Variants in CNGB1 observed in about 807,000 individuals in gnomAD.
CNGB1 encodes the protein cyclic nucleotide-gated channel beta-1.
CNGB1 carries 126 observed loss-of-function variants against 151.7 expected under a neutral mutation model. The ratio of observed to expected loss-of-function variants is 0.83; its 90% CI spans 0.72 to 0.96. The LOEUF (loss-of-function observed/expected upper bound fraction) is 0.96, where lower values mean the gene tolerates loss of function less well. Among genes scored for constraint, CNGB1 ranks in the 40% least tolerant of loss-of-function variants. CNGB1 has a pLI of 0.00. For missense variants in CNGB1, 1,698 were observed against 1,627.0 expected, an observed-to-expected ratio of 1.04 and a Z score of -0.75; for synonymous variants, 623 against 635.1, an observed-to-expected ratio of 0.98 and a Z score of 0.29.
intron 12 of CNGB1, among the ~76,000 whole-genome samples, chr16:57,953,090 G>A (rs1194786606): frequency 1.3e-5 from 2 of 152,136 alleles, no homozygotes; most frequent in African/African-American, 4.8e-5. Context: ...CAGGAGCTAT[G>A]AGTGCCCTAG....
chr16:57,888,120 G>A lies in CNGB1; in HGVS notation c.3243-46C>T, dbSNP rs1365538707. 13 of 1,580,828 alleles carry A rather than the reference G, an allele frequency of 8.2e-6. No homozygotes were observed. In the Admixed American group the frequency reaches 2.2e-4, roughly 27 times the overall value. ...TTGACATCACAGACGCACTCTGGGGGAAAAGAAAGACTCGCTTCTGCAGCC... is the reference window on the plus strand; with the variant it reads ...TTGACATCACAGACGCACTCTGGGGAAAAAGAAAGACTCGCTTCTGCAGCC... On this transcript the variant is annotated intron_variant, in intron 31 of 32. Coordinates refer to ENST00000251102, the MANE Select transcript of CNGB1 (RefSeq NM_001297.5).
In CNGB1 at chr16:57,962,980, C is replaced by T. The variant is rs1406243873; in HGVS notation, c.375G>A (p.Pro125=). 8.7e-6 allele frequency: 14 copies of T among 1,613,356 alleles called. No individual in the cohort carries two copies. Among genetic ancestry groups the T allele is most frequent in the East Asian group, 4.5e-5 (2 of 44,878 alleles). The change falls in exon 5 of 33, where the codon CCG becomes CCA. Residue 125 remains proline (P), a synonymous_variant. Coordinates refer to ENST00000251102, the MANE Select transcript of CNGB1 (RefSeq NM_001297.5). ...PQPVHSITED[P]AQILGHGSTG... The stretch of plus-strand genomic sequence containing the variant: ...CCTCCAGCCCCAGCAGTACCTGAGC[C>T]GGGTCCTCCGTGATGCTGTGAACAG...
At chr16:57,891,878 A>T (rs917557217) in intron 31 of CNGB1, among the ~76,000 whole-genome samples, 5 of 152,102 alleles carry the variant, frequency 3.3e-5, no homozygotes, top group African/African-American at 1.2e-4. Context: ...TTAAATATAG[A>T]TTATTGTTTT....
chr16:57,940,253 G>T lies in CNGB1; in HGVS notation c.1190C>A (p.Pro397His), dbSNP rs751358284. The change falls in exon 15 of 33, where the codon CCC becomes CAC. Residue 397 changes from proline (P) to histidine (H), a missense_variant. By Grantham distance (77) the Pro-to-His change is moderately conservative. Coordinates refer to ENST00000251102, the MANE Select transcript of CNGB1 (RefSeq NM_001297.5). ...VGQSEEDGTR[P>H]QSTSDQKLWE... is the part of the protein sequence containing the mutation. Reference sequence around the variant, plus strand: ...TCATACCTGATCTGAAGTGCTCTGGGGCCGGGTCCCGTCTTCTTCACTCTG... The same window carrying T: ...TCATACCTGATCTGAAGTGCTCTGGTGCCGGGTCCCGTCTTCTTCACTCTG... 3 of 1,572,492 alleles carry T rather than the reference G, an allele frequency of 1.9e-6. No homozygotes were observed. The highest frequency in any genetic ancestry group is 2.6e-6 in the Non-Finnish European group (3 of 1,158,892).
Position 57,897,501 on chromosome 16 carries a change from C to G in CNGB1, c.3138G>C (p.Val1046=). 3 of 1,614,144 alleles carry G rather than the reference C, an allele frequency of 1.9e-6. No individual in the cohort carries two copies. Among genetic ancestry groups the G allele is most frequent in the Non-Finnish European group, 2.5e-6 (3 of 1,179,984 alleles). ...AGAGGTTGGTAAACCCGTGCGCCACCACGTTGGCCGTGCGCCGGTTCCCGC... is the reference window on the plus strand; with the variant it reads ...AGAGGTTGGTAAACCCGTGCGCCACGACGTTGGCCGTGCGCCGGTTCCCGC... The part of the protein sequence containing the change: ...VGGGNRRTAN[V]VAHGFTNLFI... The change falls in exon 31 of 33, where the codon GTG becomes GTC. Residue 1046 remains valine, a synonymous_variant. Coordinates refer to ENST00000251102, the MANE Select transcript of CNGB1 (RefSeq NM_001297.5).
At chr16:57,891,951 CAT>C (rs1325245679) in intron 31 of CNGB1, among the ~76,000 whole-genome samples, 5 of 151,870 alleles carry the variant, frequency 3.3e-5, no homozygotes, top group Admixed American at 2.0e-4. Context: ...TTATCTAACA[CAT>C]ATTTTCTGTG....
At chr16:57,889,656 T>A (rs1314270670) in intron 31 of CNGB1, among the ~76,000 whole-genome samples, 1 of 152,194 alleles carries the variant, frequency 6.6e-6, no homozygotes, top group Non-Finnish European at 1.5e-5. Context: ...CTCATTTAAG[T>A]CTCACAACAA....
Position 57,931,800 on chromosome 16 carries a change from T to C in CNGB1, c.1451A>G (p.Asn484Ser). The C allele has an allele frequency of 6.2e-7, 1 of 1,614,122 alleles. No individual in the cohort carries two copies. Among genetic ancestry groups the C allele is most frequent in the Non-Finnish European group, 8.5e-7 (1 of 1,180,024 alleles). ...TGGCGGCAACACGGTTGAGGGTGGA[T>C]TCTCTTCTGCCATGAGGGGGCAGCT... ...ADSCPLMAEE[N>S]PPSTVLPPPS... Residue 484 changes from asparagine (N) to serine (S), a missense_variant, in exon 17 of 33, where the codon AAT becomes AGT. Coordinates refer to ENST00000251102, the MANE Select transcript of CNGB1 (RefSeq NM_001297.5).
intron 14 of CNGB1, among the ~76,000 whole-genome samples, chr16:57,948,738 G>T (rs1961869758): frequency 6.6e-6 from 1 of 152,086 alleles, no homozygotes; most frequent in Non-Finnish European, 1.5e-5. Context: ...TCTTCCCCAT[G>T]CATATCCCCC....
At chr16:57,951,954 C>T (rs1175659690) in intron 12 of CNGB1, among the ~76,000 whole-genome samples, 1 of 152,222 alleles carries the variant, frequency 6.6e-6, no homozygotes, top group African/African-American at 2.4e-5. Flanking sequence ...GCTCCCGGCT[C>T]CTCTGGCCCT....
intron 1 of CNGB1, 57 bp from the exon 2 acceptor site, chr16:57,967,351 T>C (rs1329541767): frequency 6.5e-7 from 1 of 1,531,800 alleles, no homozygotes; most frequent in Non-Finnish European, 9.0e-7. Context: ...CTCCCGCCAC[T>C]TATGGGCCAC....
Position 57,950,944 on chromosome 16 carries a change from TTGTCCTGGGG to T in CNGB1, c.875-414_875-405del, listed in dbSNP as rs142053935. Among the ~76,000 whole-genome samples the T allele has an allele frequency of 9.7e-3, 1,471 of 152,260 alleles. 21 individuals are homozygous for T. Among genetic ancestry groups the T allele is most frequent in the African/African-American group, 0.034 (1,401 of 41,540 alleles). ...CACATCCAGGTGCAGGTGGACTGGA[TTGTCCTGGGG>T]GATGCAGAGAGAGCTTGCCCGCTTC... On this transcript the variant is annotated intron_variant, in intron 12 of 32. Coordinates refer to ENST00000251102, the MANE Select transcript of CNGB1 (RefSeq NM_001297.5).
intron 17 of CNGB1, among the ~76,000 whole-genome samples, chr16:57,923,829 C>T (rs1171729832): frequency 6.6e-6 from 1 of 152,198 alleles, no homozygotes; most frequent in African/African-American, 2.4e-5. Flanking sequence ...TTCCCCTCTA[C>T]TCTCTATCAC....
In CNGB1 at chr16:57,968,461, C is replaced by T. The variant is rs1962453195; in HGVS notation, c.-8-1167G>A. 2.6e-5 allele frequency among the ~76,000 whole-genome samples: 4 copies of T among 152,212 alleles called. No homozygotes were observed. The South Asian group carries it at 8.3e-4, about 32-fold the overall frequency. On this transcript the variant is annotated intron_variant, in intron 1 of 32. Coordinates refer to ENST00000251102, the MANE Select transcript of CNGB1 (RefSeq NM_001297.5). The stretch of plus-strand genomic sequence containing the variant: ...GCAGTGAACCAAGATCGTGCCACTG[C>T]ACTCCAGCCTGGGTGACAGAGTGAG...
rs781486936 is a variant in CNGB1 at position 57,959,893 on chromosome 16, A to G, written c.756T>C (p.Pro252=). The change falls in exon 10 of 33, where the codon CCT becomes CCC. Residue 252 remains proline, a synonymous_variant. Transcript: ENST00000251102. The stretch of plus-strand genomic sequence containing the variant: ...CTGCATTGAGGGTGGCTCACCTGGC[A>G]GGGTCCCTGGTTGGTGGCAGGGAGG... ...QTSSLPPTRD[P]ARLVAWVLHR... The G allele has an allele frequency of 6.5e-7, 1 of 1,532,812 alleles. No individual in the cohort carries two copies. Among genetic ancestry groups the G allele is most frequent in the Non-Finnish European group, 8.8e-7 (1 of 1,139,130 alleles). 95.0% of individuals were successfully genotyped at this position (1,532,812 alleles called of 1,614,324 possible). A position where few individuals can be genotyped will look rare whatever the true frequency, so the allele number is the denominator to read the frequency against.
chr16:57,894,238 A>G (rs1206982743), intron 31 of CNGB1, among the ~76,000 whole-genome samples: 1 of 152,222 alleles, frequency 6.6e-6, no homozygotes, highest in African/African-American at 2.4e-5. Flanking sequence ...TTTTGTCGTC[A>G]TGTGGAAACA....
intron 21 of CNGB1, among the ~76,000 whole-genome samples, 161 bp from the exon 22 acceptor site, chr16:57,916,340 A>C (rs2149364257): frequency 6.6e-6 from 1 of 152,184 alleles, no homozygotes; most frequent in Non-Finnish European, 1.5e-5. Context: ...ATGGGTGGAG[A>C]GGCCCAGCCC....
chr16:57,969,044 G>A (rs1054496940), intron 1 of CNGB1, among the ~76,000 whole-genome samples: 1 of 152,024 alleles, frequency 6.6e-6, no homozygotes, highest in African/African-American at 2.4e-5. Flanking sequence ...GGTAGCTCAC[G>A]CCTGTAATCC....
rs577954371 is a variant in CNGB1, at chr16:57,916,003, A to G, written c.2217+126T>C. 1.2e-5 allele frequency: 11 copies of G among 920,036 alleles called. No homozygotes were observed. In the African/African-American group the frequency reaches 1.6e-4, roughly 14 times the overall value. The allele number at this position is 920,036 out of a possible 1,614,324, so 57.0% of individuals were successfully genotyped here. ...GGCTTGTGGTTTGGAGGACACTCCC[A>G]CAGGGACCAGCATCCCTCCGTGTGG... On this transcript the variant is annotated intron_variant, in intron 22 of 32. Transcript: ENST00000251102.
Sources: allele counts gnomAD v4.1 joint callset (sites outside exome capture counted in the v4.1 genomes callset), GRCh38; gene constraint gnomAD v4.1.1; transcripts MANE v1.5; gene names NCBI Gene and HGNC (gene_info 2026-07-23, HGNC 2026-07-21).